Variants in HSD17B4 observed in about 807,000 individuals in gnomAD.
HSD17B4 encodes the protein hydroxysteroid 17-beta dehydrogenase 4, also known as peroxisomal multifunctional enzyme type 2.
In HSD17B4, 70 loss-of-function variants were observed where a neutral mutation model predicts 101.0. That is an observed-to-expected ratio of 0.69 (90% CI 0.57 to 0.85). The LOEUF is 0.85. HSD17B4 is among the 40% of genes least tolerant of loss of function. HSD17B4 has a pLI of 0.00. For synonymous variants in HSD17B4, 347 were observed against 297.1 expected (o/e 1.17, Z -1.73); for missense variants, 984 against 892.4 (o/e 1.10, Z -1.31).
At chr5:119,491,303 T>A (rs1456489474) in intron 9 of HSD17B4, among the ~76,000 whole-genome samples, 3 of 152,154 alleles carry the variant, frequency 2.0e-5, no homozygotes, top group South Asian at 2.1e-4. Context: ...AGGCAAAGGA[T>A]GATGAAAAGC....
intron 11 of HSD17B4, among the ~76,000 whole-genome samples, chr5:119,494,311 CCTTT>C (rs138033527): frequency 0.012 from 1,809 of 148,366 alleles, 18 homozygotes; most frequent in Middle Eastern, 0.021. Context: ...TCTCTTTCTT[CCTTT>C]CTTTCTTTCT....
At chr5:119,508,182 T>C (rs1330848436) in intron 15 of HSD17B4, among the ~76,000 whole-genome samples, 1 of 151,938 alleles carries the variant, frequency 6.6e-6, no homozygotes, top group Non-Finnish European at 1.5e-5. Context: ...GCTACTATTC[T>C]CCCAGTTCTC....
At chr5:119,460,243 A>G (rs1755085783) in intron 2 of HSD17B4, among the ~76,000 whole-genome samples, 1 of 152,158 alleles carries the variant, frequency 6.6e-6, no homozygotes. Flanking sequence ...GGGGCTAAAT[A>G]TTTAAACCAT....
In HSD17B4 at chr5:119,515,041, A is replaced by G; in HGVS notation, c.1498A>G (p.Asn500Asp). The change falls in exon 17 of 24, where the codon AAT becomes GAT. Residue 500 changes from asparagine to aspartate, a missense_variant. Physicochemically the swap from Asn to Asp is conservative, Grantham distance 23 (BLOSUM62 1). Transcript: ENST00000510025. Reference protein sequence around the residue: ...DAVLTDTTSLNQAALYRLSGD... With the variant: ...DAVLTDTTSLDQAALYRLSGD... The stretch of plus-strand genomic sequence containing the variant: ...TGTACTTACAGATACCACCTCTCTT[A>G]ATCAGGTAAGATTGTATTTTTGAAA... The G allele has an allele frequency of 6.4e-7, 1 of 1,566,216 alleles. No homozygotes were observed. The highest frequency in any genetic ancestry group is 8.8e-7 in the Non-Finnish European group (1 of 1,136,586).
chr5:119,531,215 C>A (rs1580710824), intron 21 of HSD17B4, 51 bp from the exon 22 acceptor site: 2 of 1,587,182 alleles, frequency 1.3e-6, no homozygotes, highest in East Asian at 4.5e-5. Context: ...CACTTTTCTC[C>A]ATGAGTTATT....
At chr5:119,473,649 C>T (rs1407821096) in intron 2 of HSD17B4, among the ~76,000 whole-genome samples, 1 of 152,080 alleles carries the variant, frequency 6.6e-6, no homozygotes, top group Non-Finnish European at 1.5e-5. Context: ...AGAGGAAAAA[C>T]ACTGCACAGT....
chr5:119,506,867 C>T lies in HSD17B4; in HGVS notation c.1311C>T (p.Ser437=), dbSNP rs369449821. ...AVVADVLDKG[S]GVVIIMDVYS... ...TTGCTGATGTCCTAGATAAAGGATC[C>T]GGTGTAGTGATTATTATGGATGGTA... Residue 437 remains serine (S), a synonymous_variant, in exon 15 of 24, where the codon TCC becomes TCT. Coordinates refer to ENST00000510025, the MANE Select transcript of HSD17B4 (RefSeq NM_000414.4). 237 of 1,567,190 alleles carry T rather than the reference C, an allele frequency of 1.5e-4. 1 individual carries two copies. The highest frequency in any genetic ancestry group is 3.1e-4 in the African/African-American group (23 of 74,004).
chr5:119,527,661 GA>G lies in HSD17B4; in HGVS notation c.1767+450del, dbSNP rs796159298. 3.9e-3 allele frequency among the ~76,000 whole-genome samples: 587 copies of G among 151,622 alleles called. 3 individuals are homozygous for G. The highest frequency in any genetic ancestry group is 0.013 in the African/African-American group (557 of 41,368). On this transcript the variant is annotated intron_variant, in intron 20 of 23. Transcript: ENST00000510025. ...TCTTGCAATATGATAAAACATGTTCGAAAAAAAATTAGAACAACAGTTTATA... is the reference window on the plus strand; with the variant it reads ...TCTTGCAATATGATAAAACATGTTCGAAAAAAATTAGAACAACAGTTTATA...
chr5:119,498,262 C>G (rs985978853), intron 12 of HSD17B4, among the ~76,000 whole-genome samples: 1 of 152,120 alleles, frequency 6.6e-6, no homozygotes, highest in Non-Finnish European at 1.5e-5. Context: ...GATTTTTCCT[C>G]AAAATAAGGG....
chr5:119,493,576 C>G (rs1379961822), intron 10 of HSD17B4: 2 of 449,682 alleles, frequency 4.4e-6, no homozygotes, highest in Non-Finnish European at 8.2e-6. Flanking sequence ...ACCTTTAGTA[C>G]TGTCTGGCAT....
chr5:119,470,756 T>C lies in HSD17B4; in HGVS notation c.113-3152T>C, dbSNP rs545396508. On this transcript the variant is annotated intron_variant, in intron 2 of 23. Transcript: ENST00000510025. ...GAAGTGCTGTTATTTGTTGTTTTGA[T>C]TCTTCTCTGCGGAGGAGACAAGGAT... is the stretch of plus-strand genomic sequence containing the variant. Among the ~76,000 whole-genome samples the C allele has an allele frequency of 2.0e-5, 3 of 152,334 alleles. No individual in the cohort carries two copies. The South Asian group carries it at 6.2e-4, about 32-fold the overall frequency.
intron 17 of HSD17B4, among the ~76,000 whole-genome samples, chr5:119,518,115 A>G (rs1312235889): frequency 2.6e-5 from 4 of 152,074 alleles, no homozygotes; most frequent in Admixed American, 2.6e-4. Flanking sequence ...GTCCCCTTCC[A>G]CACTGTGGAA....
rs573290895 is a variant in HSD17B4, at chr5:119,506,691, A to G, written c.1262-127A>G. ...TCTGCAGCATCTGTTGTTCAGGAACACTATTTCAAACCATAGTTTTTTAGT... is the reference window on the plus strand; with the variant it reads ...TCTGCAGCATCTGTTGTTCAGGAACGCTATTTCAAACCATAGTTTTTTAGT... On this transcript the variant is annotated intron_variant, in intron 14 of 23. Coordinates refer to ENST00000510025, the MANE Select transcript of HSD17B4 (RefSeq NM_000414.4). 1.2e-5 allele frequency: 7 copies of G among 583,794 alleles called. No homozygotes were observed. The African/African-American group carries it at 1.3e-4, about 11-fold the overall frequency. The allele number at this position is 583,794 out of a possible 1,614,324, so 36.2% of individuals were successfully genotyped here.
chr5:119,465,609 A>G (rs1057138422), intron 2 of HSD17B4, among the ~76,000 whole-genome samples: 4 of 152,200 alleles, frequency 2.6e-5, no homozygotes, highest in African/African-American at 9.7e-5. Context: ...ATTTCCTATA[A>G]CAATGCAGAA....
At position 119,506,909 on chromosome 5, in the gene HSD17B4, TATAATA is replaced by T. The variant is rs756084236; in HGVS notation, c.1333+24_1333+29del. ...TGGATGGTAATTTATTTACAATTCT[TATAATA>T]ATATTGTTAGATTGATAGGCTTTGT... On this transcript the variant is annotated intron_variant, in intron 15 of 23. Transcript: ENST00000510025. The T allele has an allele frequency of 8.1e-7, 1 of 1,236,222 alleles. No individual in the cohort carries two copies. Among genetic ancestry groups the T allele is most frequent in the South Asian group, 1.2e-5 (1 of 82,220 alleles). The allele number at this position is 1,236,222 out of a possible 1,614,324, so 76.6% of individuals were successfully genotyped here.
intron 19 of HSD17B4, among the ~76,000 whole-genome samples, 174 bp from the exon 20 acceptor site, chr5:119,526,959 C>T (rs964449360): frequency 6.6e-6 from 1 of 151,780 alleles, no homozygotes; most frequent in African/African-American, 2.4e-5. Flanking sequence ...TTAGTTACAT[C>T]TTTATTTTAC....
At chr5:119,486,058 C>T (rs1430059741) in intron 8 of HSD17B4, among the ~76,000 whole-genome samples, 4 of 152,118 alleles carry the variant, frequency 2.6e-5, no homozygotes, top group Admixed American at 6.6e-5. Context: ...AAGAGGCCTC[C>T]GTTCCTTCCT....
Position 119,468,755 on chromosome 5 carries a change from G to A in HSD17B4, c.113-5153G>A, listed in dbSNP as rs1455461891. On this transcript the variant is annotated intron_variant, in intron 2 of 23. Transcript: ENST00000510025. ...TATGTAAAAATTTGTTTACTTAATGGTGTCCCATTACTACCATAGGCTTTC... is the reference window on the plus strand; with the variant it reads ...TATGTAAAAATTTGTTTACTTAATGATGTCCCATTACTACCATAGGCTTTC... Among the ~76,000 whole-genome samples the A allele has an allele frequency of 6.6e-5, 10 of 151,070 alleles. No homozygotes were observed. The East Asian group carries it at 1.5e-3, about 23-fold the overall frequency.
At chr5:119,481,917 T>C (rs867483282) in intron 8 of HSD17B4, among the ~76,000 whole-genome samples, 5 of 152,278 alleles carry the variant, frequency 3.3e-5, no homozygotes, top group Middle Eastern at 3.4e-3. Context: ...GGCATTTTTT[T>C]TCCCCCTCTG....
Sources: allele counts gnomAD v4.1 joint callset (sites outside exome capture counted in the v4.1 genomes callset), GRCh38; gene constraint gnomAD v4.1.1; transcripts MANE v1.5; gene names NCBI Gene and HGNC (gene_info 2026-07-23, HGNC 2026-07-21).